OPCML: variants seen among roughly 807,000 people sequenced by gnomAD.
OPCML encodes the protein opioid binding protein/cell adhesion molecule like, also known as opioid-binding protein/cell adhesion molecule.
Under a neutral mutation model 37.8 loss-of-function variants are expected in OPCML, and 13 were observed. The observed-to-expected ratio is 0.34, with a 90% CI of 0.22 to 0.55. The LOEUF is 0.55. Among genes scored for constraint, OPCML ranks in the 20% least tolerant of loss-of-function variants. OPCML has a pLI of 0.91. For synonymous variants in OPCML, 176 were observed against 168.8 expected (o/e 1.04, Z -0.33); for missense variants, 341 against 435.6 (o/e 0.78, Z 1.93).
At chr11:133,392,514 G>T (rs754750105) in intron 1 of OPCML, among the ~76,000 whole-genome samples, 8 of 152,218 alleles carry the variant, frequency 5.3e-5, no homozygotes, top group Non-Finnish European at 7.3e-5. Flanking sequence ...GGAGGTGACT[G>T]GTCCTCTGGC....
intron 4 of OPCML, among the ~76,000 whole-genome samples, chr11:132,513,723 C>G (rs2096273866): frequency 6.6e-6 from 1 of 152,112 alleles, no homozygotes; most frequent in African/African-American, 2.4e-5. Context: ...TAGCAGTCAC[C>G]TCTTCCAGGA....
At chr11:133,003,267 G>A (rs1028854032) in intron 1 of OPCML, among the ~76,000 whole-genome samples, 6 of 152,142 alleles carry the variant, frequency 3.9e-5, no homozygotes, top group African/African-American at 1.4e-4. Context: ...CAGCATCACT[G>A]AGCCCATATC....
At chr11:133,022,091 A>G (rs1287717520) in intron 1 of OPCML, among the ~76,000 whole-genome samples, 1 of 152,234 alleles carries the variant, frequency 6.6e-6, no homozygotes, top group African/African-American at 2.4e-5. Context: ...ACTTCGCAGT[A>G]GGGCCTGAGG....
At chr11:132,916,078 T>TCAGA (rs1231183171) in intron 2 of OPCML, among the ~76,000 whole-genome samples, 1 of 152,198 alleles carries the variant, frequency 6.6e-6, no homozygotes, top group Non-Finnish European at 1.5e-5. Flanking sequence ...TCTGATGCTG[T>TCAGA]CAGAAGTTTC....
At chr11:132,905,197 G>A (rs1944193765) in intron 2 of OPCML, among the ~76,000 whole-genome samples, 1 of 151,608 alleles carries the variant, frequency 6.6e-6, no homozygotes. Flanking sequence ...CACAGATCAA[G>A]GGACAGAGCT....
intron 3 of OPCML, among the ~76,000 whole-genome samples, chr11:132,650,208 G>A (rs1449127037): frequency 6.6e-6 from 1 of 152,268 alleles, no homozygotes; most frequent in Admixed American, 6.5e-5. Flanking sequence ...GTGTTAGTAA[G>A]GGACACTAAA....
chr11:132,589,767 G>A (rs1471804709), intron 3 of OPCML, among the ~76,000 whole-genome samples: 1 of 152,192 alleles, frequency 6.6e-6, no homozygotes, highest in Non-Finnish European at 1.5e-5. Flanking sequence ...TTAAGAAGAC[G>A]AAAAGTGGAG....
chr11:132,433,003 G>A (rs2096002391), intron 7 of OPCML, among the ~76,000 whole-genome samples: 1 of 152,178 alleles, frequency 6.6e-6, no homozygotes, highest in African/African-American at 2.4e-5. Context: ...ATTGGGGACT[G>A]GCCTGCTCAG....
At chr11:132,783,461 A>C (rs1001447271) in intron 2 of OPCML, among the ~76,000 whole-genome samples, 3 of 152,172 alleles carry the variant, frequency 2.0e-5, no homozygotes, top group African/African-American at 7.2e-5. Flanking sequence ...ATGTTCAAAC[A>C]GTTAATTCTT....
At chr11:133,026,408 C>T (rs1306181022) in intron 1 of OPCML, 1 of 985,318 alleles carries the variant, frequency 1.0e-6, no homozygotes. Context: ...CCTGCCTCTT[C>T]TTTAGGGAAA....
At chr11:133,230,606 T>G (rs555056691) in intron 1 of OPCML, among the ~76,000 whole-genome samples, 5 of 152,308 alleles carry the variant, frequency 3.3e-5, no homozygotes, top group African/African-American at 1.2e-4. Flanking sequence ...CACTTCGCAT[T>G]CCTAGAATGT....
intron 1 of OPCML, among the ~76,000 whole-genome samples, chr11:133,139,539 A>G (rs960015803): frequency 2.0e-5 from 3 of 152,218 alleles, no homozygotes; most frequent in Admixed American, 6.5e-5. Flanking sequence ...CATTTATTGA[A>G]TATTTAGATC....
At chr11:132,673,355 G>A (rs1187899704) in intron 2 of OPCML, among the ~76,000 whole-genome samples, 3 of 152,176 alleles carry the variant, frequency 2.0e-5, no homozygotes, top group Non-Finnish European at 4.4e-5. Flanking sequence ...CAGAGAGATG[G>A]AAGTGGGTGG....
chr11:132,934,308 A>G (rs1210407806), intron 2 of OPCML, among the ~76,000 whole-genome samples: 2 of 152,162 alleles, frequency 1.3e-5, no homozygotes, highest in African/African-American at 4.8e-5. Flanking sequence ...GGGTAGGTCC[A>G]GCGTGGATTA....
chr11:133,209,455 C>T (rs1016491741), intron 1 of OPCML, among the ~76,000 whole-genome samples: 6 of 151,468 alleles, frequency 4.0e-5, no homozygotes, highest in African/African-American at 1.5e-4. Flanking sequence ...ATATGGCACA[C>T]CCATCCAAAG....
At chr11:132,733,378 C>T (rs1255698322) in intron 2 of OPCML, among the ~76,000 whole-genome samples, 2 of 151,850 alleles carry the variant, frequency 1.3e-5, no homozygotes, top group Admixed American at 6.6e-5. Context: ...AGAAGATTTC[C>T]GCTTGTCTGC....
rs554043903 is a variant in OPCML, at chr11:132,717,082, TA to T, written c.147-59764del. Among the ~76,000 whole-genome samples, 3 of 152,132 alleles carry T rather than the reference TA, an allele frequency of 2.0e-5. No individual in the cohort carries two copies. In the South Asian group the frequency reaches 6.2e-4, roughly 32 times the overall value. ...ATAATAATAAATAATTATGTACAAA[TA>T]AAAAATAAAATAACCACAATAGTAC... On this transcript the variant is annotated intron_variant, in intron 2 of 7. Transcript: ENST00000524381.
At chr11:133,267,186 T>G (rs1186447813) in intron 1 of OPCML, among the ~76,000 whole-genome samples, 1 of 152,102 alleles carries the variant, frequency 6.6e-6, no homozygotes, top group East Asian at 1.9e-4. Flanking sequence ...ATCCCAGCTC[T>G]GCAATTTACT....
chr11:132,938,305 G>A (rs1945461915), intron 2 of OPCML, among the ~76,000 whole-genome samples: 1 of 150,848 alleles, frequency 6.6e-6, no homozygotes. Flanking sequence ...GTCCTAGTGT[G>A]GATCTGTTAG....
Sources: allele counts gnomAD v4.1 joint callset (sites outside exome capture counted in the v4.1 genomes callset), GRCh38; gene constraint gnomAD v4.1.1; transcripts MANE v1.5; gene names NCBI Gene and HGNC (gene_info 2026-07-23, HGNC 2026-07-21).